The following FGD5 variants were observed in gnomAD, a reference collection of about 807,000 sequenced individuals.
FGD5 encodes the protein FYVE, RhoGEF and PH domain containing 5, also known as FYVE, RhoGEF and PH domain-containing protein 5.
FGD5 carries 28 observed loss-of-function variants against 133.4 expected under a neutral mutation model. The observed-to-expected ratio is 0.21, with a 90% confidence interval of 0.16 to 0.29. FGD5 has a LOEUF of 0.29. Among genes scored for constraint, FGD5 ranks in the 10% least tolerant of loss-of-function variants. The pLI is 1.00. For missense variants in FGD5, 1,858 were observed against 1,895.2 expected (o/e 0.98, Z 0.36); for synonymous variants, 810 against 776.5 (o/e 1.04, Z -0.72).
intron 1 of FGD5, among the ~76,000 whole-genome samples, chr3:14,834,013 G>A (rs927803139): frequency 3.9e-5 from 6 of 152,110 alleles, no homozygotes; most frequent in Non-Finnish European, 5.9e-5. Flanking sequence ...CTGTTGCAGC[G>A]GGATACTTTT....
At position 14,918,508 on chromosome 3, in the gene FGD5, G is replaced by T. The variant is rs1020136386; in HGVS notation, c.3490-246G>T. ...TGTCCAACATGACAGTGCACCTGGG[G>T]TTGCCCGGGCTGGGCCCTGAGCATG... On this transcript the variant is annotated intron_variant, in intron 12 of 19. Coordinates refer to ENST00000285046, the MANE Select transcript of FGD5 (RefSeq NM_152536.4). Among the ~76,000 whole-genome samples, 7 of 152,360 alleles carry T rather than the reference G, an allele frequency of 4.6e-5. No individual in the cohort carries two copies. In the South Asian group the frequency reaches 1.0e-3, roughly 23 times the overall value.
At chr3:14,905,587 C>T (rs1370225291) in intron 9 of FGD5, among the ~76,000 whole-genome samples, 4 of 152,140 alleles carry the variant, frequency 2.6e-5, no homozygotes, top group African/African-American at 9.7e-5. Context: ...TTCTTTGTTT[C>T]TGATACTGAT....
chr3:14,916,746 C>T (rs2038563394), intron 11 of FGD5, among the ~76,000 whole-genome samples: 1 of 152,224 alleles, frequency 6.6e-6, no homozygotes. Context: ...ACTGGCCTGA[C>T]TTTTGTCCCT....
chr3:14,892,228 G>T (rs1306507581), intron 4 of FGD5, among the ~76,000 whole-genome samples: 1 of 151,138 alleles, frequency 6.6e-6, no homozygotes, highest in East Asian at 1.9e-4. Context: ...TTGAGACAGG[G>T]TCTAGCTCTA....
intron 1 of FGD5, among the ~76,000 whole-genome samples, chr3:14,844,271 T>C (rs546983810): frequency 1.1e-5 from 1 of 93,862 alleles, no homozygotes; most frequent in Non-Finnish European, 2.1e-5. Context: ...TATATATATA[T>C]AATGCAGGTT....
chr3:14,880,542 C>A (rs567794946), intron 2 of FGD5, 30 bp from the exon 3 acceptor site: 21 of 1,610,626 alleles, frequency 1.3e-5, no homozygotes, highest in African/African-American at 4.0e-5. Context: ...TGATGCCTGT[C>A]CCACCTGATT....
chr3:14,870,209 G>A (rs1187474286), intron 2 of FGD5, among the ~76,000 whole-genome samples: 1 of 152,234 alleles, frequency 6.6e-6, no homozygotes, highest in Non-Finnish European at 1.5e-5. Flanking sequence ...GAGGAGAGCA[G>A]TGCAAGGGCA....
At chr3:14,835,779 T>C (rs916726741) in intron 1 of FGD5, among the ~76,000 whole-genome samples, 1 of 152,224 alleles carries the variant, frequency 6.6e-6, no homozygotes, top group Admixed American at 6.5e-5. Context: ...GTTCCTTGAC[T>C]GTAAAATGGA....
Position 14,889,126 on chromosome 3 carries a change from C to A in FGD5, c.2748+8354C>A, listed in dbSNP as rs138778906. On this transcript the variant is annotated intron_variant, in intron 4 of 19. Coordinates refer to ENST00000285046, the MANE Select transcript of FGD5 (RefSeq NM_152536.4). ...AGTTTAACTTGGTGCTGAGGGCAGG[C>A]AGGGCCACGAAGAGTTTGGAGGAGA... Among the ~76,000 whole-genome samples, 222 of 152,282 alleles carry A rather than the reference C, an allele frequency of 1.5e-3. 2 individuals carry two copies. The highest frequency in any genetic ancestry group is 5.3e-3 in the African/African-American group (220 of 41,548).
At chr3:14,845,212 C>T (rs1328388872) in intron 1 of FGD5, among the ~76,000 whole-genome samples, 1 of 152,306 alleles carries the variant, frequency 6.6e-6, no homozygotes, top group East Asian at 1.9e-4. Context: ...TGAAGGCACC[C>T]TTGGATTGGG....
rs150786638 is a variant in FGD5 at position 14,876,662 on chromosome 3, C to G, written c.2659-3910C>G. Among the ~76,000 whole-genome samples, 500 of 152,212 alleles carry G rather than the reference C, an allele frequency of 3.3e-3. 2 individuals are homozygous for G. The highest frequency in any genetic ancestry group is 5.6e-3 in the Non-Finnish European group (380 of 68,026). On this transcript the variant is annotated intron_variant, in intron 2 of 19. Transcript: ENST00000285046. ...TAGCTGGATTCACCTATCCACTTCC[C>G]CACTCGGTTGGTTGGAATTGTTTTG...
At position 14,898,798 on chromosome 3, in the gene FGD5, C is replaced by T. The variant is rs745996002; in HGVS notation, c.3126C>T (p.Arg1042=). The T allele has an allele frequency of 3.0e-5, 47 of 1,581,254 alleles. No homozygotes were observed. The highest frequency in any genetic ancestry group is 9.3e-5 in the South Asian group (8 of 86,180). ...AKHRLLRVVQ[R]LFQYQVLLTD... ...ATCGGCTGCTGCGGGTGGTTCAACG[C>T]CTCTTCCAGTACCAAGTGCTCCTCA... is the stretch of plus-strand genomic sequence containing the variant. Residue 1042 remains arginine (R), a synonymous_variant, in exon 7 of 20, where the codon CGC becomes CGT. Coordinates refer to ENST00000285046, the MANE Select transcript of FGD5 (RefSeq NM_152536.4).
chr3:14,819,702 G>A lies in FGD5; in HGVS notation c.631G>A (p.Gly211Arg), dbSNP rs773172377. The A allele has an allele frequency of 1.6e-5, 24 of 1,537,080 alleles. No individual in the cohort carries two copies. In the South Asian group the frequency reaches 1.8e-4, roughly 12 times the overall value. Residue 211 changes from glycine (G) to arginine (R), a missense_variant, in exon 1 of 20, where the codon GGG (glycine) becomes AGG (arginine). Physicochemically the swap from Gly to Arg is moderately radical, Grantham distance 125. Transcript: ENST00000285046. The surrounding 1 kb of genome is among the most constrained non-coding windows in gnomAD (Gnocchi z 4.1). ...GGACCAGGAGCCCCCCGACACCCCC[G>A]GGGAGGCAGAGGAGGATGATGAGGA... ...GEDQEPPDTPGEAEEDDEEGC... is the reference protein window; with the variant it reads ...GEDQEPPDTPREAEEDDEEGC...
Position 14,819,187 on chromosome 3 carries a change from T to C in FGD5, c.116T>C (p.Leu39Pro). Residue 39 changes from leucine (L) to proline (P), a missense_variant, in exon 1 of 20, where the codon CTG becomes CCG. Leu to Pro is a moderately conservative substitution (Grantham distance 98). This residue lies in a region of FGD5 where 1,824 missense variants were observed against 1,848.9 expected (regional missense o/e 0.99). Transcript: ENST00000285046. The surrounding 1 kb of genome is among the most constrained non-coding windows in gnomAD (Gnocchi z 4.1). ...TTGAACAAATGCAGCAACGGGCGGC[T>C]GCCCTGTGTAGACAGGGGGCTTGAT... ...DSLNKCSNGR[L>P]PCVDRGLDEG... 2 of 1,551,366 alleles carry C rather than the reference T, an allele frequency of 1.3e-6. No homozygotes were observed. Among genetic ancestry groups the C allele is most frequent in the Non-Finnish European group, 1.7e-6 (2 of 1,146,914 alleles).
At chr3:14,879,170 G>A (rs1438429095) in intron 2 of FGD5, among the ~76,000 whole-genome samples, 1 of 152,236 alleles carries the variant, frequency 6.6e-6, no homozygotes, top group Non-Finnish European at 1.5e-5. Context: ...CCACATATGA[G>A]GAAACTGAGG....
At chr3:14,841,068 A>G (rs2125085369) in intron 1 of FGD5, among the ~76,000 whole-genome samples, 1 of 152,316 alleles carries the variant, frequency 6.6e-6, no homozygotes, top group East Asian at 1.9e-4. Flanking sequence ...TGCTTCTGAT[A>G]TTTGGCTGTT....
At chr3:14,832,365 G>A (rs1317978685) in intron 1 of FGD5, among the ~76,000 whole-genome samples, 1 of 152,060 alleles carries the variant, frequency 6.6e-6, no homozygotes, top group African/African-American at 2.4e-5. Context: ...AGACATAGAT[G>A]CTGTTTTTTT....
chr3:14,850,128 C>G (rs576009852), intron 1 of FGD5, among the ~76,000 whole-genome samples: 1 of 152,356 alleles, frequency 6.6e-6, no homozygotes, highest in East Asian at 1.9e-4. Context: ...CCTGCTTCGC[C>G]TGTGGTCTGG....
intron 2 of FGD5, among the ~76,000 whole-genome samples, chr3:14,873,769 T>C (rs2037662271): frequency 6.6e-6 from 1 of 151,620 alleles, no homozygotes; most frequent in South Asian, 2.1e-4. Flanking sequence ...TCACCCAGGC[T>C]GGAGTGTAGT....
Sources: allele counts gnomAD v4.1 joint callset (sites outside exome capture counted in the v4.1 genomes callset), GRCh38; gene constraint gnomAD v4.1.1; regional missense constraint gnomAD v4.1.1; non-coding constraint Gnocchi (gnomAD v3.1); transcripts MANE v1.5; gene names NCBI Gene and HGNC (gene_info 2026-07-23, HGNC 2026-07-21).